CACNA1A: variants seen among roughly 807,000 people sequenced by gnomAD.
CACNA1A encodes the protein calcium voltage-gated channel subunit alpha1 A.
Under a neutral mutation model 262.4 loss-of-function variants are expected in CACNA1A, and 57 were observed. That is an observed-to-expected ratio of 0.22 (90% CI 0.18 to 0.27). The LOEUF (loss-of-function observed/expected upper bound fraction) is 0.27, where lower values mean the gene tolerates loss of function less well. Ranked by LOEUF, CACNA1A falls within the 10% of genes least tolerant of loss-of-function variation. CACNA1A has a pLI of 1.00. For synonymous variants in CACNA1A, 1,431 were observed against 1,419.3 expected, an observed-to-expected ratio of 1.01 and a Z score of -0.18; for missense variants, 2,526 against 3,562.8, an observed-to-expected ratio of 0.71 and a Z score of 7.41.
chr19:13,415,840 G>A (rs1433635585), intron 3 of CACNA1A, among the ~76,000 whole-genome samples: 1 of 149,760 alleles, frequency 6.7e-6, no homozygotes, highest in Non-Finnish European at 1.5e-5. Flanking sequence ...AAACTCCAGA[G>A]GGACTGAGGG....
rs901018704 is a variant in CACNA1A at position 13,462,764 on chromosome 19, T to C, written c.294-7552A>G. Among the ~76,000 whole-genome samples, 9 of 148,812 alleles carry C rather than the reference T, an allele frequency of 6.0e-5. No individual in the cohort carries two copies. In the East Asian group the frequency reaches 7.7e-4, roughly 13 times the overall value. On this transcript the variant is annotated intron_variant, in intron 1 of 46. Coordinates refer to ENST00000360228, the MANE Select transcript of CACNA1A (RefSeq NM_001127222.2). Reference sequence around the variant, plus strand: ...CCAACTCCACAGTCTATGCCTTTTTTTGTTTGTTTGTTTGAGTTAGGGTCT... The same window carrying C: ...CCAACTCCACAGTCTATGCCTTTTTCTGTTTGTTTGTTTGAGTTAGGGTCT...
At position 13,308,080 on chromosome 19, in the gene CACNA1A, C is replaced by T. The variant is rs767938301; in HGVS notation, c.1913+40G>A. The T allele has an allele frequency of 6.2e-7, 1 of 1,611,284 alleles. No individual in the cohort carries two copies. The highest frequency in any genetic ancestry group is 2.2e-5 in the East Asian group (1 of 44,868). ...GGACTGTGTGTTCCCTGAGCCTGAC[C>T]CCAGGGAACCAGGAGTTGGAATTCC... On this transcript the variant is annotated intron_variant, in intron 14 of 46. Coordinates refer to ENST00000360228, the MANE Select transcript of CACNA1A (RefSeq NM_001127222.2). The surrounding 1 kb of genome is among the most constrained non-coding windows in gnomAD (Gnocchi z 4.2).
chr19:13,224,256 G>A (rs1033415958), intron 38 of CACNA1A, among the ~76,000 whole-genome samples: 8 of 151,720 alleles, frequency 5.3e-5, no homozygotes, highest in Admixed American at 2.0e-4. Context: ...CCCGGGAGGC[G>A]GAGGTAGCAA....
chr19:13,230,048 T>C, intron 36 of CACNA1A, 34 bp downstream of exon 36: 2 of 1,602,314 alleles, frequency 1.2e-6, no homozygotes, highest in Non-Finnish European at 1.7e-6. Flanking sequence ...GAGAGGTGAG[T>C]ATTGTGGCTG....
chr19:13,389,269 AT>A (rs939561288), intron 3 of CACNA1A, among the ~76,000 whole-genome samples: 98 of 152,196 alleles, frequency 6.4e-4, no homozygotes, highest in African/African-American at 2.4e-3. Context: ...GCTCTCACTC[AT>A]TCTGGTGCTC....
intron 19 of CACNA1A, among the ~76,000 whole-genome samples, chr19:13,287,540 T>C (rs969241731): frequency 2.6e-5 from 4 of 152,088 alleles, no homozygotes; most frequent in East Asian, 1.9e-4. Context: ...TCTTTCTTTT[T>C]TCTTGCTCTG....
rs1223796799 is a variant in CACNA1A at position 13,259,548 on chromosome 19, C to A, written c.4388+16G>T. The A allele has an allele frequency of 6.3e-7, 1 of 1,592,926 alleles. No homozygotes were observed. Among genetic ancestry groups the A allele is most frequent in the Non-Finnish European group, 8.6e-7 (1 of 1,168,558 alleles). On this transcript the variant is annotated intron_variant, in intron 27 of 46. Coordinates refer to ENST00000360228, the MANE Select transcript of CACNA1A (RefSeq NM_001127222.2). ...CCAGGGCTCCTCCTGGATAGATTTCCAGTCGGGCCACTTACTGTGGCCAGC... is the reference window on the plus strand; with the variant it reads ...CCAGGGCTCCTCCTGGATAGATTTCAAGTCGGGCCACTTACTGTGGCCAGC...
intron 10 of CACNA1A, among the ~76,000 whole-genome samples, chr19:13,325,012 GCTT>G (rs2058326449): frequency 1.5e-5 from 2 of 136,950 alleles, no homozygotes; most frequent in Admixed American, 7.4e-5. Context: ...TTATCATTGT[GCTT>G]CTTCTTCGTC....
intron 10 of CACNA1A, among the ~76,000 whole-genome samples, chr19:13,329,358 CA>C (rs2145110333): frequency 6.6e-6 from 1 of 152,300 alleles, no homozygotes; most frequent in African/African-American, 2.4e-5. Flanking sequence ...CCTTCTAGAG[CA>C]AGCTAAGCCC....
chr19:13,264,031 A>C (rs1187362962), intron 24 of CACNA1A, among the ~76,000 whole-genome samples: 1 of 152,050 alleles, frequency 6.6e-6, no homozygotes, highest in Non-Finnish European at 1.5e-5. Context: ...TCTCTGCTGC[A>C]TTGCTCCAAG....
chr19:13,353,445 T>C (rs2058951304), intron 6 of CACNA1A, among the ~76,000 whole-genome samples: 1 of 151,988 alleles, frequency 6.6e-6, no homozygotes, highest in South Asian at 2.1e-4. Context: ...CCACTCATCA[T>C]TATATGGTGA....
chr19:13,259,416 T>A (rs557450241), intron 27 of CACNA1A, 148 bp downstream of exon 27: 4 of 389,132 alleles, frequency 1.0e-5, no homozygotes, highest in South Asian at 3.9e-5. Flanking sequence ...AAGTGATACA[T>A]CTGCCTTGGC....
chr19:13,462,049 G>A (rs2061133655), intron 1 of CACNA1A, among the ~76,000 whole-genome samples: 2 of 152,210 alleles, frequency 1.3e-5, no homozygotes, highest in African/African-American at 4.8e-5. Context: ...GCTTGCATCT[G>A]AGAACAGGAC....
chr19:13,330,125 G>C, intron 10 of CACNA1A, 119 bp downstream of exon 10: 1 of 648,918 alleles, frequency 1.5e-6, no homozygotes, highest in Non-Finnish European at 2.8e-6. Flanking sequence ...AGGTGGGAAA[G>C]GGTGGAGCTG....
chr19:13,380,303 A>G (rs1436411563), intron 3 of CACNA1A, among the ~76,000 whole-genome samples: 1 of 119,726 alleles, frequency 8.4e-6, no homozygotes. Context: ...AAAAAAAAAA[A>G]AAGTGTTTAG....
At chr19:13,309,814 A>G (rs537249216) in intron 12 of CACNA1A, among the ~76,000 whole-genome samples, 1 of 152,224 alleles carries the variant, frequency 6.6e-6, no homozygotes, top group African/African-American at 2.4e-5. Context: ...ACCTTAAAAA[A>G]AACTGAGGTG....
chr19:13,448,024 A>G (rs977423666), intron 3 of CACNA1A, among the ~76,000 whole-genome samples: 32 of 151,850 alleles, frequency 2.1e-4, no homozygotes, highest in African/African-American at 7.7e-4. Flanking sequence ...AATATTAACC[A>G]TCACACTGCT....
At chr19:13,395,487 C>A (rs530435048) in intron 3 of CACNA1A, among the ~76,000 whole-genome samples, 1 of 151,526 alleles carries the variant, frequency 6.6e-6, no homozygotes, top group South Asian at 2.1e-4. Context: ...TGGTGCTTAC[C>A]TGTAGTCCCA....
chr19:13,257,591 G>T, intron 27 of CACNA1A, 40 bp from the exon 28 acceptor site: 1 of 1,423,772 alleles, frequency 7.0e-7, no homozygotes, highest in Non-Finnish European at 9.7e-7. Context: ...GGGCAGGAAG[G>T]AGAGAGACAG....
Sources: gnomAD v4.1 joint callset for allele counts (sites outside exome capture counted in the v4.1 genomes callset) on GRCh38, gnomAD v4.1.1 for gene constraint, Gnocchi (gnomAD v3.1) non-coding constraint, MANE v1.5 for transcripts, NCBI Gene and HGNC (gene_info 2026-07-23, HGNC 2026-07-21) for gene names.